DENND1A: variants seen among roughly 807,000 people sequenced by gnomAD.
DENND1A encodes DENN domain-containing protein 1A.
DENND1A carries 51 observed loss-of-function variants against 113.7 expected under a neutral mutation model. The observed-to-expected ratio is 0.45, with a 90% CI of 0.36 to 0.57. The LOEUF (loss-of-function observed/expected upper bound fraction) is 0.57. Among genes scored for constraint, DENND1A ranks in the 20% least tolerant of loss-of-function variants. The pLI, the probability that DENND1A is intolerant of heterozygous loss-of-function variation, is 0.00. For synonymous variants in DENND1A, 565 were observed against 570.8 expected (o/e 0.99, Z 0.14); for missense variants, 1,258 against 1,395.9 (o/e 0.90, Z 1.57).
chr9:123,791,743 G>C (rs971575647), intron 3 of DENND1A, among the ~76,000 whole-genome samples: 37 of 152,190 alleles, frequency 2.4e-4, no homozygotes, highest in African/African-American at 8.7e-4. Context: ...TAAGGAAGAT[G>C]CTTTTACTGT....
intron 18 of DENND1A, among the ~76,000 whole-genome samples, chr9:123,449,264 C>G (rs1216616046): frequency 1.3e-5 from 2 of 152,178 alleles, no homozygotes; most frequent in South Asian, 4.1e-4. Flanking sequence ...AGGCCAGACG[C>G]GGTGGCTCAC....
At chr9:123,382,692 A>G in intron 23 of DENND1A, 67 bp from the exon 24 acceptor site, 1 of 1,511,426 alleles carries the variant, frequency 6.6e-7, no homozygotes, top group Non-Finnish European at 9.1e-7. Context: ...GCCCATTCCC[A>G]CACCACTTCT....
chr9:123,856,223 T>C (rs540697459), intron 2 of DENND1A, among the ~76,000 whole-genome samples: 95 of 152,298 alleles, frequency 6.2e-4, no homozygotes, highest in African/African-American at 1.9e-3. Context: ...CGTCCATACT[T>C]GGTGAGAAGT....
At chr9:123,717,720 A>G (rs1460352880) in intron 5 of DENND1A, among the ~76,000 whole-genome samples, 1 of 152,216 alleles carries the variant, frequency 6.6e-6, no homozygotes, top group Non-Finnish European at 1.5e-5. Context: ...GCAGAGCATC[A>G]TAGGAGCCCT....
At chr9:123,410,991 C>A (rs2044265414) in intron 20 of DENND1A, among the ~76,000 whole-genome samples, 2 of 152,154 alleles carry the variant, frequency 1.3e-5, no homozygotes, top group Non-Finnish European at 2.9e-5. Context: ...GACCCAGACC[C>A]CATATTTTTC....
chr9:123,563,737 T>C (rs1026266023), intron 12 of DENND1A, among the ~76,000 whole-genome samples: 2 of 152,206 alleles, frequency 1.3e-5, no homozygotes, highest in Admixed American at 1.3e-4. Flanking sequence ...AGTGGCTCCC[T>C]ACTGTGAATA....
chr9:123,732,032 G>C (rs1199299743), intron 5 of DENND1A, among the ~76,000 whole-genome samples: 1 of 152,154 alleles, frequency 6.6e-6, no homozygotes, highest in Non-Finnish European at 1.5e-5. Flanking sequence ...TACACACATA[G>C]AATAGCTAAA....
At chr9:123,393,253 T>C (rs181965435) in intron 21 of DENND1A, among the ~76,000 whole-genome samples, 1 of 152,182 alleles carries the variant, frequency 6.6e-6, no homozygotes, top group Non-Finnish European at 1.5e-5. Flanking sequence ...TGCCAACAAG[T>C]AGATTCTGGG....
chr9:123,505,519 G>T (rs1013788853), intron 13 of DENND1A, among the ~76,000 whole-genome samples: 1 of 152,058 alleles, frequency 6.6e-6, no homozygotes, highest in African/African-American at 2.4e-5. Context: ...TATTGTATTT[G>T]GGGGGAAAAA....
At chr9:123,623,857 G>A (rs535544615) in intron 10 of DENND1A, among the ~76,000 whole-genome samples, 2 of 152,308 alleles carry the variant, frequency 1.3e-5, no homozygotes, top group African/African-American at 4.8e-5. Flanking sequence ...CCAACAGCAG[G>A]GTCTGGGCTC....
chr9:123,489,466 G>A (rs1329396963), intron 13 of DENND1A, among the ~76,000 whole-genome samples: 5 of 152,170 alleles, frequency 3.3e-5, no homozygotes, highest in African/African-American at 4.8e-5. Context: ...CTTTTTCCTC[G>A]CCTAAGTCCC....
At chr9:123,554,544 AC>A (rs2057314069) in intron 13 of DENND1A, among the ~76,000 whole-genome samples, 1 of 152,240 alleles carries the variant, frequency 6.6e-6, no homozygotes. Context: ...TAGTTTAAAA[AC>A]CATCTAGGTG....
At position 123,523,271 on chromosome 9, in the gene DENND1A, C is replaced by G. The variant is rs149412157; in HGVS notation, c.993+34299G>C. ...CAGGATGGAGGCCACTTAGGCTAATCCCCAACAGCATGCCATGTGCTCTGC... is the reference window on the plus strand; with the variant it reads ...CAGGATGGAGGCCACTTAGGCTAATGCCCAACAGCATGCCATGTGCTCTGC... On this transcript the variant is annotated intron_variant, in intron 13 of 23. Coordinates refer to ENST00000394215, the MANE Select transcript of DENND1A (RefSeq NM_001352964.2). Among the ~76,000 whole-genome samples the G allele has an allele frequency of 2.9e-3, 435 of 152,292 alleles. 2 individuals are homozygous for G. The highest frequency in any genetic ancestry group is 0.01 in the African/African-American group (416 of 41,558).
chr9:123,515,216 T>C (rs908798887), intron 13 of DENND1A, among the ~76,000 whole-genome samples: 3 of 152,374 alleles, frequency 2.0e-5, no homozygotes, highest in South Asian at 2.1e-4. Flanking sequence ...TGGAGTCAAC[T>C]GGGAAAACTG....
At chr9:123,469,193 C>T (rs1179769338) in intron 13 of DENND1A, among the ~76,000 whole-genome samples, 2 of 152,172 alleles carry the variant, frequency 1.3e-5, no homozygotes, top group Non-Finnish European at 2.9e-5. Flanking sequence ...GCACGGTGGC[C>T]GAGGCATGTC....
chr9:123,535,696 G>T (rs2055703814), intron 13 of DENND1A, among the ~76,000 whole-genome samples: 1 of 152,126 alleles, frequency 6.6e-6, no homozygotes, highest in Non-Finnish European at 1.5e-5. Context: ...TCATCACTCA[G>T]GTTTCAGCTC....
chr9:123,895,545 C>T (rs538242985), intron 1 of DENND1A, among the ~76,000 whole-genome samples: 18 of 151,624 alleles, frequency 1.2e-4, no homozygotes, highest in African/African-American at 4.4e-4. Context: ...TCACTTGAAC[C>T]CAGGAGGTGG....
intron 18 of DENND1A, among the ~76,000 whole-genome samples, chr9:123,446,393 GT>G (rs1263725112): frequency 6.6e-6 from 1 of 152,194 alleles, no homozygotes; most frequent in African/African-American, 2.4e-5. Context: ...GAAAATGTCT[GT>G]TCTACAAGTC....
chr9:123,520,315 C>T (rs955090065), intron 13 of DENND1A, among the ~76,000 whole-genome samples: 2 of 151,896 alleles, frequency 1.3e-5, no homozygotes, highest in African/African-American at 2.4e-5. Context: ...AAAAATTAGC[C>T]GGGCATGGTG....
Sources: allele counts gnomAD v4.1 joint callset (sites outside exome capture counted in the v4.1 genomes callset), GRCh38; gene constraint gnomAD v4.1.1; transcripts MANE v1.5; gene names NCBI Gene and HGNC (gene_info 2026-07-23, HGNC 2026-07-21).